The following C12orf42 variants were observed in gnomAD, a reference collection of about 807,000 sequenced individuals.
C12orf42 encodes the protein uncharacterized protein C12orf42.
In C12orf42, 25 loss-of-function variants were observed where a neutral mutation model predicts 21.6. That is an observed-to-expected ratio of 1.16 (90% CI 0.84 to 1.62). The LOEUF (loss-of-function observed/expected upper bound fraction) is 1.62, where lower values mean the gene tolerates loss of function less well. Among genes scored for constraint, C12orf42 ranks in the 40% most tolerant of loss-of-function variants. C12orf42 has a pLI of 0.00. For missense variants in C12orf42, 483 were observed against 459.3 expected (o/e 1.05, Z -0.47); for synonymous variants, 174 against 175.0 (o/e 0.99, Z 0.05).
At chr12:103,181,563 T>G in the C12orf42 span, among the ~76,000 whole-genome samples, 1 of 152,230 alleles carries the variant, frequency 6.6e-6, no homozygotes, top group East Asian at 1.9e-4. Context: ...ACCAGTAGCC[T>G]GTGTAAGCTG....
At position 103,311,725 on chromosome 12, in the gene C12orf42, G is replaced by T. The variant is rs531531394; in HGVS notation, c.260-5380C>A. ...TGTTACGTGACACATCTCTTGCATT[G>T]AATACAGTATTTCTCAATCCTGGCT... is the stretch of plus-strand genomic sequence containing the variant. On this transcript the variant is annotated intron_variant, in intron 4 of 5. Transcript: ENST00000548883. Among the ~76,000 whole-genome samples, 4 of 152,126 alleles carry T rather than the reference G, an allele frequency of 2.6e-5. No individual in the cohort carries two copies. The South Asian group carries it at 8.3e-4, about 32-fold the overall frequency.
At chr12:103,192,457 C>T in the C12orf42 span, among the ~76,000 whole-genome samples, 2 of 149,460 alleles carry the variant, frequency 1.3e-5, no homozygotes, top group African/African-American at 2.5e-5. Context: ...TAAGCCAAGA[C>T]CATGCAACTG....
the C12orf42 span, among the ~76,000 whole-genome samples, chr12:103,525,918 C>T: frequency 6.6e-6 from 1 of 152,166 alleles, no homozygotes; most frequent in South Asian, 2.1e-4. Flanking sequence ...ATCCCAGCTA[C>T]TTGGAGGCTG....
At chr12:103,391,010 G>C (rs1353232703) in intron 3 of C12orf42, among the ~76,000 whole-genome samples, 1 of 152,060 alleles carries the variant, frequency 6.6e-6, no homozygotes, top group Non-Finnish European at 1.5e-5. Flanking sequence ...CAATCAAGTT[G>C]GCACAAAATG....
chr12:103,188,635 G>A, the C12orf42 span, among the ~76,000 whole-genome samples: 2 of 152,196 alleles, frequency 1.3e-5, no homozygotes, highest in Non-Finnish European at 2.9e-5. Flanking sequence ...TGTAAGGGGT[G>A]AGTTCTTGCT....
chr12:103,195,797 C>T, the C12orf42 span, among the ~76,000 whole-genome samples: 1 of 151,990 alleles, frequency 6.6e-6, no homozygotes, highest in African/African-American at 2.4e-5. Flanking sequence ...TAATTAAATC[C>T]AATTTCTCAA....
At chr12:103,351,801 G>T (rs1425867394) in intron 4 of C12orf42, among the ~76,000 whole-genome samples, 1 of 152,066 alleles carries the variant, frequency 6.6e-6, no homozygotes, top group Non-Finnish European at 1.5e-5. Flanking sequence ...AAAAATAATT[G>T]AAGATTAATT....
At chr12:103,359,649 G>T (rs2043907172) in intron 4 of C12orf42, among the ~76,000 whole-genome samples, 1 of 151,918 alleles carries the variant, frequency 6.6e-6, no homozygotes, top group Non-Finnish European at 1.5e-5. Context: ...GTAGAGAAGG[G>T]GTGGATTATG....
chr12:103,131,084 A>G, the C12orf42 span, among the ~76,000 whole-genome samples: 8 of 152,304 alleles, frequency 5.3e-5, no homozygotes, highest in South Asian at 8.3e-4. Flanking sequence ...AGCTGCCTAC[A>G]TGGGTACCCA....
intron 4 of C12orf42, among the ~76,000 whole-genome samples, chr12:103,331,518 T>G (rs1305693412): frequency 6.6e-6 from 1 of 152,150 alleles, no homozygotes; most frequent in Non-Finnish European, 1.5e-5. Context: ...GACTTTACAG[T>G]CTGGTGAAAG....
the C12orf42 span, among the ~76,000 whole-genome samples, chr12:103,152,620 T>C: frequency 2.0e-5 from 3 of 152,172 alleles, no homozygotes; most frequent in Non-Finnish European, 4.4e-5. Flanking sequence ...ACTTTAAGAA[T>C]TGACAATAAA....
intron 2 of C12orf42, among the ~76,000 whole-genome samples, chr12:103,464,184 C>G (rs1433299380): frequency 6.6e-6 from 1 of 152,152 alleles, no homozygotes; most frequent in African/African-American, 2.4e-5. Context: ...GATTTACCTT[C>G]CCACCAACAG....
the C12orf42 span, among the ~76,000 whole-genome samples, chr12:103,160,130 C>T: frequency 6.6e-6 from 1 of 152,118 alleles, no homozygotes; most frequent in Non-Finnish European, 1.5e-5. Context: ...AAACCTAATT[C>T]TGTGAGAAAA....
chr12:103,507,185 TA>T, the C12orf42 span, among the ~76,000 whole-genome samples: 6 of 27,664 alleles, frequency 2.2e-4, no homozygotes, highest in African/African-American at 1.5e-3. Flanking sequence ...ATATTATATA[TA>T]ATATATATAT....
chr12:103,107,439 G>A, the C12orf42 span, among the ~76,000 whole-genome samples: 23 of 151,974 alleles, frequency 1.5e-4, no homozygotes, highest in African/African-American at 4.8e-4. Flanking sequence ...ACCTTGGCAC[G>A]AGTAAGTATA....
chr12:103,281,540 T>A (rs1238953037), intron 4 of C12orf42, among the ~76,000 whole-genome samples: 1 of 152,112 alleles, frequency 6.6e-6, no homozygotes, highest in Non-Finnish European at 1.5e-5. Context: ...GTATTTTTAG[T>A]AGAGACGGGG....
intron 5 of C12orf42, among the ~76,000 whole-genome samples, chr12:103,275,974 G>C (rs1357155926): frequency 6.6e-6 from 1 of 152,140 alleles, no homozygotes; most frequent in Non-Finnish European, 1.5e-5. Context: ...TCAGGAGGCT[G>C]AGGTGAAAGG....
At chr12:103,094,475 T>G in the C12orf42 span, among the ~76,000 whole-genome samples, 2 of 152,196 alleles carry the variant, frequency 1.3e-5, no homozygotes, top group African/African-American at 4.8e-5. Context: ...TTCTAGGTAT[T>G]CATTCCTAGA....
chr12:103,379,667 C>T (rs527555610), intron 3 of C12orf42, among the ~76,000 whole-genome samples: 57 of 152,338 alleles, frequency 3.7e-4, no homozygotes, highest in African/African-American at 1.2e-3. Flanking sequence ...ACTTTGCCCA[C>T]ACTGGATATT....
Sources: gnomAD v4.1 joint callset for allele counts (sites outside exome capture counted in the v4.1 genomes callset) on GRCh38, gnomAD v4.1.1 for gene constraint, MANE v1.5 for transcripts, NCBI Gene and HGNC (gene_info 2026-07-23, HGNC 2026-07-21) for gene names.